The following SPDYA variants were observed in gnomAD, a reference collection of about 807,000 sequenced individuals.
SPDYA encodes speedy protein A.
Under a neutral mutation model 36.7 loss-of-function variants are expected in SPDYA, and 11 were observed. That is an observed-to-expected ratio of 0.30 (90% CI 0.19 to 0.50). The LOEUF (loss-of-function observed/expected upper bound fraction) is 0.50, where lower values mean the gene tolerates loss of function less well. Ranked by LOEUF, SPDYA falls within the 20% of genes least tolerant of loss-of-function variation. SPDYA has a pLI of 0.98. For missense variants in SPDYA, 287 were observed against 370.9 expected (o/e 0.77, Z 1.86); for synonymous variants, 115 against 118.7 (o/e 0.97, Z 0.20).
rs1301345161 is a variant in SPDYA at position 28,840,393 on chromosome 2, A to C, written c.774A>C (p.Lys258Asn). 2 of 1,613,010 alleles carry C rather than the reference A, an allele frequency of 1.2e-6. No individual in the cohort carries two copies. The highest frequency in any genetic ancestry group is 1.3e-5 in the African/African-American group (1 of 74,914). Residue 258 changes from lysine (K) to asparagine (N), a missense_variant, in exon 7 of 8, where the codon AAA (lysine) becomes AAC (asparagine). Physicochemically the swap from Lys to Asn is moderately conservative, Grantham distance 94. Transcript: ENST00000334056. ...LSSHTAGVTE[K>N]HSQDSYNSLS... ...GTCATACAGCAGGGGTGACAGAAAA[A>C]CATTCTCAGGACTCATACAACTCAC...
At chr2:28,830,911 C>G (rs1668465472) in intron 6 of SPDYA, among the ~76,000 whole-genome samples, 2 of 152,146 alleles carry the variant, frequency 1.3e-5, no homozygotes, top group Admixed American at 1.3e-4. Flanking sequence ...GCAGTGGTCA[C>G]TGTAAGCTCT....
chr2:28,821,356 C>T lies in SPDYA; in HGVS notation c.295-969C>T, dbSNP rs143236653. Among the ~76,000 whole-genome samples the T allele has an allele frequency of 9.1e-3, 1,384 of 152,016 alleles. 23 individuals carry two copies. Among genetic ancestry groups the T allele is most frequent in the African/African-American group, 0.032 (1,318 of 41,482 alleles). On this transcript the variant is annotated intron_variant, in intron 4 of 7. Coordinates refer to ENST00000334056, the MANE Select transcript of SPDYA (RefSeq NM_182756.4). ...CTGGGATTACAGGCATGTGCCACCACGCCCGGCTAATTTTTCTGTATTTTT... is the reference window on the plus strand; with the variant it reads ...CTGGGATTACAGGCATGTGCCACCATGCCCGGCTAATTTTTCTGTATTTTT...
At chr2:28,824,478 G>GAAAA (rs1180132778) in intron 5 of SPDYA, among the ~76,000 whole-genome samples, 4 of 77,398 alleles carry the variant, frequency 5.2e-5, no homozygotes, top group Non-Finnish European at 8.9e-5. Context: ...GCTGTCAGGA[G>GAAAA]AAAAAAAAAA....
At chr2:28,815,861 G>A in intron 2 of SPDYA, 136 bp from the exon 3 acceptor site, 3 of 578,464 alleles carry the variant, frequency 5.2e-6, no homozygotes, top group Non-Finnish European at 5.8e-6. Context: ...TTTAATGGGA[G>A]TCACTGTCAC....
intron 2 of SPDYA, among the ~76,000 whole-genome samples, 167 bp from the exon 3 acceptor site, chr2:28,815,830 C>G (rs889217090): frequency 6.6e-6 from 1 of 152,098 alleles, no homozygotes; most frequent in Non-Finnish European, 1.5e-5. Flanking sequence ...CTTTTCCTAG[C>G]GCTGAATTTC....
At chr2:28,836,730 G>A (rs980288458) in intron 6 of SPDYA, among the ~76,000 whole-genome samples, 3 of 152,140 alleles carry the variant, frequency 2.0e-5, no homozygotes, top group Non-Finnish European at 4.4e-5. Context: ...GAGATGGGTT[G>A]TGATTAAATT....
chr2:28,813,450 A>G (rs2148073268), intron 1 of SPDYA, among the ~76,000 whole-genome samples: 1 of 152,280 alleles, frequency 6.6e-6, no homozygotes, highest in South Asian at 2.1e-4. Flanking sequence ...TCTAGCCCCA[A>G]CACTCAAATT....
intron 7 of SPDYA, among the ~76,000 whole-genome samples, chr2:28,844,602 T>G (rs1668825465): frequency 6.6e-6 from 1 of 152,202 alleles, no homozygotes; most frequent in Non-Finnish European, 1.5e-5. Flanking sequence ...GGCTAAGCTG[T>G]GATGTTCGGT....
chr2:28,848,868 C>A (rs1312034434), intron 7 of SPDYA, among the ~76,000 whole-genome samples: 1 of 151,992 alleles, frequency 6.6e-6, no homozygotes, highest in Non-Finnish European at 1.5e-5. Context: ...ACATGACAAA[C>A]CCCGTCTCTA....
Position 28,840,233 on chromosome 2 carries a change from G to C in SPDYA, c.614G>C (p.Gly205Ala). 2 of 1,614,100 alleles carry C rather than the reference G, an allele frequency of 1.2e-6. No homozygotes were observed. Among genetic ancestry groups the C allele is most frequent in the Non-Finnish European group, 1.7e-6 (2 of 1,180,022 alleles). The change falls in exon 7 of 8, where the codon GGA becomes GCA. Residue 205 changes from glycine (G) to alanine (A), a missense_variant. By Grantham distance (60) the Gly-to-Ala change is moderately conservative (BLOSUM62 0). Coordinates refer to ENST00000334056, the MANE Select transcript of SPDYA (RefSeq NM_182756.4). ...AGAGAACGTTCTGTTCATCACAGTGGAGCTGTCAGAAACTACAACAGAGAT... is the reference window on the plus strand; with the variant it reads ...AGAGAACGTTCTGTTCATCACAGTGCAGCTGTCAGAAACTACAACAGAGAT... ...WQRERSVHHS[G>A]AVRNYNRDEV...
chr2:28,840,327 A>C lies in SPDYA; in HGVS notation c.708A>C (p.Arg236Ser). Residue 236 changes from arginine (R) to serine (S), a missense_variant, in exon 7 of 8, where the codon AGA becomes AGC. By Grantham distance (110) the Arg-to-Ser change is moderately radical (BLOSUM62 -1). Transcript: ENST00000334056. ...GTTCACTCTGTGGTAAAAAAAGAAG[A>C]TATGTTAGACTGGGATTGTCTTCAT... ...VDCSLCGKKR[R>S]YVRLGLSSSS... is the part of the protein sequence containing the mutation. 1 of 1,611,084 alleles carries C rather than the reference A, an allele frequency of 6.2e-7. No homozygotes were observed. Among genetic ancestry groups the C allele is most frequent in the South Asian group, 1.1e-5 (1 of 90,530 alleles).
intron 7 of SPDYA, among the ~76,000 whole-genome samples, chr2:28,844,899 C>A (rs1668833827): frequency 6.6e-6 from 1 of 152,084 alleles, no homozygotes; most frequent in Non-Finnish European, 1.5e-5. Context: ...TGCCCCTGTA[C>A]TCCAGCCTGG....
At chr2:28,845,087 AT>A (rs1262292863) in intron 7 of SPDYA, among the ~76,000 whole-genome samples, 3 of 151,792 alleles carry the variant, frequency 2.0e-5, no homozygotes, top group African/African-American at 7.3e-5. Flanking sequence ...GCCCAGCCAA[AT>A]GCTTTTTTCC....
chr2:28,821,197 C>CTTTTTTTT lies in SPDYA; in HGVS notation c.295-1115_295-1108dup, dbSNP rs11464702. 4.8e-4 allele frequency among the ~76,000 whole-genome samples: 47 copies of CTTTTTTTT among 98,830 alleles called. 1 individual carries two copies. Among genetic ancestry groups the CTTTTTTTT allele is most frequent in the South Asian group, 1.1e-3 (3 of 2,648 alleles). 64.8% of individuals were successfully genotyped at this position (98,830 alleles called of 152,430 possible). A position where few individuals can be genotyped will look rare whatever the true frequency, so the allele number is the denominator to read the frequency against. On this transcript the variant is annotated intron_variant, in intron 4 of 7. Coordinates refer to ENST00000334056, the MANE Select transcript of SPDYA (RefSeq NM_182756.4). ...GATGTGATTTTTTTTTTTTCTTTTT[C>CTTTTTTTT]TTTTTTTTTTTTTTTTTTTTGAGAT...
intron 6 of SPDYA, among the ~76,000 whole-genome samples, chr2:28,831,241 C>T (rs966132772): frequency 2.0e-5 from 3 of 152,022 alleles, no homozygotes; most frequent in Admixed American, 2.0e-4. Context: ...ACCTGTAGTC[C>T]CAGCTACTTG....
intron 6 of SPDYA, among the ~76,000 whole-genome samples, chr2:28,829,786 C>G (rs1668428672): frequency 6.6e-6 from 1 of 151,104 alleles, no homozygotes. Context: ...ACTAAAAATA[C>G]AAAAAAAATT....
intron 3 of SPDYA, 96 bp from the exon 4 acceptor site, chr2:28,818,952 C>A: frequency 1.0e-6 from 1 of 961,542 alleles, no homozygotes; most frequent in Non-Finnish European, 1.6e-6. Flanking sequence ...TGTTTTATTT[C>A]TAAGCACCAT....
chr2:28,841,772 C>T (rs1330510699), intron 7 of SPDYA, among the ~76,000 whole-genome samples: 1 of 152,104 alleles, frequency 6.6e-6, no homozygotes, highest in African/African-American at 2.4e-5. Flanking sequence ...CTTTTCAACA[C>T]CTTCAGGCAT....
chr2:28,837,669 TC>T (rs1462262570), intron 6 of SPDYA, among the ~76,000 whole-genome samples: 2 of 151,938 alleles, frequency 1.3e-5, no homozygotes, highest in African/African-American at 2.4e-5. Flanking sequence ...TTAAGTGACT[TC>T]TTCAAAGACA....
Sources: allele counts gnomAD v4.1 joint callset (sites outside exome capture counted in the v4.1 genomes callset), GRCh38; gene constraint gnomAD v4.1.1; transcripts MANE v1.5; gene names NCBI Gene and HGNC (gene_info 2026-07-23, HGNC 2026-07-21).